Variants in TFAP2D observed in about 807,000 individuals in gnomAD.
TFAP2D encodes the protein transcription factor AP-2 delta.
TFAP2D carries 9 observed loss-of-function variants against 43.6 expected under a neutral mutation model. The observed-to-expected ratio is 0.21, with a 90% confidence interval of 0.12 to 0.36. TFAP2D has a LOEUF of 0.36. Among genes scored for constraint, TFAP2D ranks in the 10% least tolerant of loss-of-function variants. The pLI, the probability that TFAP2D is intolerant of heterozygous loss-of-function variation, is 1.00. For missense variants in TFAP2D, 513 were observed against 561.4 expected (o/e 0.91, Z 0.87); for synonymous variants, 256 against 224.9 (o/e 1.14, Z -1.24).
intron 7 of TFAP2D, among the ~76,000 whole-genome samples, chr6:50,753,032 A>T (rs1318187492): frequency 6.6e-6 from 1 of 151,494 alleles, no homozygotes; most frequent in Non-Finnish European, 1.5e-5. Flanking sequence ...CCACCGATCC[A>T]AGTTTAAATT....
intron 5 of TFAP2D, among the ~76,000 whole-genome samples, chr6:50,731,543 A>G (rs1768893423): frequency 6.6e-6 from 1 of 151,886 alleles, no homozygotes; most frequent in African/African-American, 2.4e-5. Flanking sequence ...GTTTCTTTTA[A>G]TGTTCCTTGT....
chr6:50,763,272 C>T (rs556781197), intron 7 of TFAP2D, among the ~76,000 whole-genome samples: 97 of 152,242 alleles, frequency 6.4e-4, no homozygotes, highest in African/African-American at 2.2e-3. Flanking sequence ...ATGTGTCCAG[C>T]AGAGTGGGAT....
intron 1 of TFAP2D, among the ~76,000 whole-genome samples, chr6:50,714,509 G>A (rs1768581348): frequency 6.6e-6 from 1 of 152,096 alleles, no homozygotes; most frequent in South Asian, 2.1e-4. Flanking sequence ...GGAAAGGGAA[G>A]CAGAAAAGAG....
intron 3 of TFAP2D, among the ~76,000 whole-genome samples, chr6:50,720,283 G>A (rs927444510): frequency 6.6e-6 from 1 of 152,086 alleles, no homozygotes; most frequent in African/African-American, 2.4e-5. Flanking sequence ...AGATGTGCTG[G>A]TAGAAATCAG....
intron 7 of TFAP2D, among the ~76,000 whole-genome samples, chr6:50,760,846 G>T (rs1769352504): frequency 6.6e-6 from 1 of 151,598 alleles, no homozygotes; most frequent in Non-Finnish European, 1.5e-5. Flanking sequence ...GTGAGAGGAA[G>T]TAAGGTTGGG....
chr6:50,771,960 C>T (rs1298267922), intron 7 of TFAP2D, among the ~76,000 whole-genome samples: 1 of 152,090 alleles, frequency 6.6e-6, no homozygotes, highest in African/African-American at 2.4e-5. Context: ...TATTGCGGCA[C>T]TATTCACAAT....
At chr6:50,714,146 C>CGGCGGCGGT (rs745710324) in intron 1 of TFAP2D, 52 bp downstream of exon 1, 25 of 1,553,394 alleles carry the variant, frequency 1.6e-5, no homozygotes, top group South Asian at 7.0e-5. Flanking sequence ...TGTGTGGCGG[C>CGGCGGCGGT]GGCGGCGGTG....
At chr6:50,750,927 AGG>A (rs1769191689) in intron 6 of TFAP2D, among the ~76,000 whole-genome samples, 3 of 151,984 alleles carry the variant, frequency 2.0e-5, no homozygotes, top group Non-Finnish European at 2.9e-5. Context: ...CCTTATCCTG[AGG>A]TTAATTTATG....
intron 3 of TFAP2D, among the ~76,000 whole-genome samples, chr6:50,719,501 G>GATAGAAAGA (rs537400101): frequency 1.3e-4 from 18 of 133,460 alleles, no homozygotes; most frequent in Non-Finnish European, 2.5e-4. Flanking sequence ...AAGAAAGAAA[G>GATAGAAAGA]AAGTTTCTCA....
chr6:50,766,167 G>A (rs1465449336), intron 7 of TFAP2D, among the ~76,000 whole-genome samples: 1 of 152,140 alleles, frequency 6.6e-6, no homozygotes, highest in Non-Finnish European at 1.5e-5. Context: ...TCAAAGATTA[G>A]CTTACTACAT....
At chr6:50,719,469 G>T (rs1581757850) in intron 3 of TFAP2D, among the ~76,000 whole-genome samples, 1 of 135,100 alleles carries the variant, frequency 7.4e-6, no homozygotes, top group Admixed American at 7.4e-5. Context: ...AAGAAAGAAA[G>T]AAAGAAAGAA....
At chr6:50,735,004 G>A (rs577184968) in intron 5 of TFAP2D, among the ~76,000 whole-genome samples, 2 of 152,104 alleles carry the variant, frequency 1.3e-5, no homozygotes, top group South Asian at 4.1e-4. Flanking sequence ...TTGCTGTAAG[G>A]GAAGACACAT....
At chr6:50,724,486 C>T (rs1028774831) in intron 3 of TFAP2D, among the ~76,000 whole-genome samples, 3 of 152,186 alleles carry the variant, frequency 2.0e-5, no homozygotes, top group African/African-American at 7.2e-5. Flanking sequence ...AGGATGCGCG[C>T]ACCGGCCCAG....
chr6:50,760,911 C>T (rs1008607850), intron 7 of TFAP2D, among the ~76,000 whole-genome samples: 1 of 150,766 alleles, frequency 6.6e-6, no homozygotes. Context: ...TCCCCAGACT[C>T]CCTCTCTACT....
intron 3 of TFAP2D, among the ~76,000 whole-genome samples, chr6:50,720,082 T>A (rs1363552077): frequency 6.6e-6 from 1 of 152,202 alleles, no homozygotes; most frequent in Non-Finnish European, 1.5e-5. Context: ...GGACCAGCTG[T>A]TATCCTAACT....
At chr6:50,767,390 A>T (rs944247424) in intron 7 of TFAP2D, among the ~76,000 whole-genome samples, 5 of 152,056 alleles carry the variant, frequency 3.3e-5, no homozygotes, top group African/African-American at 1.2e-4. Context: ...ATATACCTGG[A>T]TTGTCAGTTT....
chr6:50,757,629 AAT>A (rs1561940321), intron 7 of TFAP2D, among the ~76,000 whole-genome samples: 2 of 70,388 alleles, frequency 2.8e-5, no homozygotes, highest in African/African-American at 1.1e-4. Flanking sequence ...ATATATATAG[AAT>A]ATATATAATT....
At chr6:50,767,115 T>A (rs1301601550) in intron 7 of TFAP2D, among the ~76,000 whole-genome samples, 2 of 152,254 alleles carry the variant, frequency 1.3e-5, no homozygotes, top group Non-Finnish European at 2.9e-5. Context: ...AATCATATCA[T>A]CTGCAAACAG....
At chr6:50,760,033 A>G (rs1769341059) in intron 7 of TFAP2D, among the ~76,000 whole-genome samples, 1 of 151,878 alleles carries the variant, frequency 6.6e-6, no homozygotes, top group African/African-American at 2.4e-5. Flanking sequence ...GGTTAAAGAA[A>G]CCCTAATTAT....
Sources: gnomAD v4.1 joint callset for allele counts (sites outside exome capture counted in the v4.1 genomes callset) on GRCh38, gnomAD v4.1.1 for gene constraint, MANE v1.5 for transcripts, NCBI Gene and HGNC (gene_info 2026-07-23, HGNC 2026-07-21) for gene names.